REDIC1: variants seen among roughly 807,000 people sequenced by gnomAD.
The protein encoded by REDIC1 is HEI10 Interacting Protein 1.
chr12:39,750,646 A>G, the REDIC1 span, among the ~76,000 whole-genome samples: 93 of 152,288 alleles, frequency 6.1e-4, no homozygotes, highest in African/African-American at 2.1e-3. Flanking sequence ...GCATCACACT[A>G]CCTGACTTCA....
At chr12:39,888,557 C>G in the REDIC1 span, among the ~76,000 whole-genome samples, 1 of 152,164 alleles carries the variant, frequency 6.6e-6, no homozygotes, top group Non-Finnish European at 1.5e-5. Flanking sequence ...TGCAACTTAG[C>G]AGGGTACCTG....
chr12:39,865,318 T>C, the REDIC1 span, among the ~76,000 whole-genome samples: 1 of 152,238 alleles, frequency 6.6e-6, no homozygotes, highest in African/African-American at 2.4e-5. Context: ...CATTCAATCA[T>C]GTAAGACTTA....
At chr12:39,644,049 A>G in the REDIC1 span, 1 of 652,934 alleles carries the variant, frequency 1.5e-6, no homozygotes, top group South Asian at 2.4e-5. Flanking sequence ...GCTCTCTTAA[A>G]TTAGATGCCT....
chr12:39,746,549 G>T, the REDIC1 span, among the ~76,000 whole-genome samples: 1 of 152,222 alleles, frequency 6.6e-6, no homozygotes, highest in South Asian at 2.1e-4. Flanking sequence ...AGACTTAAAT[G>T]TCCCTGTCTG....
chr12:39,764,942 G>A, the REDIC1 span: 23 of 1,462,534 alleles, frequency 1.6e-5, no homozygotes, highest in Non-Finnish European at 2.1e-5. Flanking sequence ...TTATGTATTT[G>A]GAAATTCCTT....
the REDIC1 span, among the ~76,000 whole-genome samples, chr12:39,690,693 AATAC>A: frequency 0.014 from 2,077 of 152,274 alleles, 60 homozygotes; most frequent in African/African-American, 0.048. Context: ...CAGATAGCAA[AATAC>A]ATACATTAAG....
the REDIC1 span, among the ~76,000 whole-genome samples, chr12:39,771,551 A>G: frequency 6.6e-6 from 1 of 152,154 alleles, no homozygotes; most frequent in Non-Finnish European, 1.5e-5. Context: ...AGAGGAAACC[A>G]TAGCTCCAGT....
chr12:39,656,584 A>G, the REDIC1 span, among the ~76,000 whole-genome samples: 5 of 152,186 alleles, frequency 3.3e-5, no homozygotes, highest in East Asian at 7.7e-4. Context: ...TATTAGAAAA[A>G]AAGTTAATTG....
the REDIC1 span, among the ~76,000 whole-genome samples, chr12:39,713,008 TATAC>T: frequency 7.0e-6 from 1 of 143,084 alleles, no homozygotes; most frequent in Non-Finnish European, 1.5e-5. Context: ...TATATGTATA[TATAC>T]ATGTGTATAT....
chr12:39,647,762 A>G, the REDIC1 span: 1 of 1,373,960 alleles, frequency 7.3e-7, no homozygotes, highest in Non-Finnish European at 9.7e-7. Flanking sequence ...TATTTTGGTA[A>G]TGTAAATGAT....
the REDIC1 span, chr12:39,830,339 G>T: frequency 1.4e-6 from 2 of 1,477,322 alleles, no homozygotes; most frequent in Non-Finnish European, 9.0e-7. Flanking sequence ...AGTAAGCTTG[G>T]GGCCTTGGGA....
At chr12:39,847,173 T>C in the REDIC1 span, among the ~76,000 whole-genome samples, 1 of 152,162 alleles carries the variant, frequency 6.6e-6, no homozygotes, top group Non-Finnish European at 1.5e-5. Context: ...CCCTATTTGG[T>C]CCATTGATTT....
chr12:39,899,218 A>G, the REDIC1 span, among the ~76,000 whole-genome samples: 1 of 152,088 alleles, frequency 6.6e-6, no homozygotes, highest in African/African-American at 2.4e-5. Context: ...GGGAGGGTGT[A>G]TGTGTCGAGG....
chr12:39,777,156 C>T, the REDIC1 span, among the ~76,000 whole-genome samples: 1 of 152,198 alleles, frequency 6.6e-6, no homozygotes, highest in African/African-American at 2.4e-5. Context: ...TTATGGTTCA[C>T]TTTCCTTTCT....
the REDIC1 span, among the ~76,000 whole-genome samples, chr12:39,827,458 A>T: frequency 6.6e-6 from 1 of 152,156 alleles, no homozygotes; most frequent in Non-Finnish European, 1.5e-5. Flanking sequence ...ACTCAGCATT[A>T]AAAACTCTAA....
the REDIC1 span, among the ~76,000 whole-genome samples, chr12:39,784,233 T>A: frequency 1.2e-4 from 18 of 152,132 alleles, no homozygotes; most frequent in African/African-American, 4.3e-4. Context: ...ACTTTAAAGT[T>A]CATATGGAAC....
chr12:39,705,434 A>T, the REDIC1 span, among the ~76,000 whole-genome samples: 5,756 of 152,172 alleles, frequency 0.038, 129 homozygotes, highest in African/African-American at 0.065. Context: ...AAAATGGAGG[A>T]TGAGGGACTA....
At chr12:39,787,015 T>C in the REDIC1 span, among the ~76,000 whole-genome samples, 1 of 152,176 alleles carries the variant, frequency 6.6e-6, no homozygotes, top group Non-Finnish European at 1.5e-5. Context: ...ATAAATAGCA[T>C]TGAAGTTCTG....
the REDIC1 span, among the ~76,000 whole-genome samples, chr12:39,831,232 C>G: frequency 6.6e-6 from 1 of 152,130 alleles, no homozygotes; most frequent in South Asian, 2.1e-4. Flanking sequence ...CTACCTGGAA[C>G]AGGGGCCCAT....
Sources: allele counts gnomAD v4.1 joint callset (sites outside exome capture counted in the v4.1 genomes callset), GRCh38; gene constraint gnomAD v4.1.1; transcripts MANE v1.5; gene names NCBI Gene and HGNC (gene_info 2026-07-23, HGNC 2026-07-21).